Variants in ARB2A observed in about 807,000 individuals in gnomAD.
ARB2A encodes the protein ARB2 cotranscriptional regulator A, also known as cotranscriptional regulator ARB2A.
the ARB2A span, among the ~76,000 whole-genome samples, chr5:93,766,127 G>T: frequency 1.3e-5 from 2 of 152,058 alleles, no homozygotes; most frequent in Non-Finnish European, 2.9e-5. Context: ...CATAGGCATG[G>T]GCAAGGACTT....
the ARB2A span, among the ~76,000 whole-genome samples, chr5:93,743,895 T>C: frequency 6.6e-6 from 1 of 152,086 alleles, no homozygotes; most frequent in East Asian, 1.9e-4. Context: ...CTCGATCTCC[T>C]GACCTTGTGA....
chr5:93,818,181 GAC>G, the ARB2A span, among the ~76,000 whole-genome samples: 1 of 151,500 alleles, frequency 6.6e-6, no homozygotes. Flanking sequence ...TATAAAAAAA[GAC>G]AGATAATAAT....
the ARB2A span, among the ~76,000 whole-genome samples, chr5:93,903,187 G>A: frequency 6.6e-6 from 1 of 152,142 alleles, no homozygotes; most frequent in East Asian, 1.9e-4. Context: ...GGACATTTGA[G>A]TAATTTCCTA....
chr5:93,835,194 T>C, the ARB2A span, among the ~76,000 whole-genome samples: 2 of 152,184 alleles, frequency 1.3e-5, no homozygotes, highest in East Asian at 1.9e-4. Flanking sequence ...CAAAGCCTTA[T>C]CAACTATGCC....
At chr5:93,963,696 C>G in the ARB2A span, among the ~76,000 whole-genome samples, 1 of 151,962 alleles carries the variant, frequency 6.6e-6, no homozygotes, top group Non-Finnish European at 1.5e-5. Context: ...AAATGAACTA[C>G]TTTCATTAAG....
chr5:94,099,837 T>C, the ARB2A span, among the ~76,000 whole-genome samples: 10 of 151,864 alleles, frequency 6.6e-5, no homozygotes, highest in African/African-American at 2.2e-4. Flanking sequence ...CAACATTACA[T>C]GGAATGGGCA....
the ARB2A span, among the ~76,000 whole-genome samples, chr5:93,923,019 T>G: frequency 6.6e-6 from 1 of 152,242 alleles, no homozygotes; most frequent in Admixed American, 6.5e-5. Flanking sequence ...TCTGGCTTCC[T>G]TTCTATCTCC....
At chr5:93,846,668 T>C in the ARB2A span, among the ~76,000 whole-genome samples, 2 of 152,246 alleles carry the variant, frequency 1.3e-5, no homozygotes, top group African/African-American at 4.8e-5. Context: ...TAAAAACATC[T>C]TGAAAATATA....
the ARB2A span, among the ~76,000 whole-genome samples, chr5:94,077,921 T>A: frequency 6.6e-6 from 1 of 152,236 alleles, no homozygotes; most frequent in Non-Finnish European, 1.5e-5. Context: ...TTCCTTTCTA[T>A]GATTCCAACA....
chr5:93,907,585 A>C, the ARB2A span, among the ~76,000 whole-genome samples: 1 of 151,618 alleles, frequency 6.6e-6, no homozygotes, highest in African/African-American at 2.4e-5. Flanking sequence ...AAATCATAAA[A>C]ATGAATCATT....
At chr5:93,668,701 TCTTCA>T in the ARB2A span, among the ~76,000 whole-genome samples, 5 of 152,236 alleles carry the variant, frequency 3.3e-5, no homozygotes, top group African/African-American at 9.6e-5. Context: ...AGAATATTCC[TCTTCA>T]CTTCACTATG....
chr5:94,012,577 C>T, the ARB2A span, among the ~76,000 whole-genome samples: 2 of 152,150 alleles, frequency 1.3e-5, no homozygotes, highest in South Asian at 4.1e-4. Flanking sequence ...ACTGTGCTGA[C>T]CAAAGCCATG....
At chr5:93,808,018 T>C in the ARB2A span, among the ~76,000 whole-genome samples, 1 of 151,916 alleles carries the variant, frequency 6.6e-6, no homozygotes, top group Non-Finnish European at 1.5e-5. Context: ...GGCCAATCAA[T>C]GCAAGAAAAA....
At chr5:93,840,106 G>A in the ARB2A span, among the ~76,000 whole-genome samples, 1 of 152,028 alleles carries the variant, frequency 6.6e-6, no homozygotes. Flanking sequence ...AGGTTAATTT[G>A]ATATCTTTTT....
At chr5:94,088,320 T>C in the ARB2A span, among the ~76,000 whole-genome samples, 2 of 152,154 alleles carry the variant, frequency 1.3e-5, no homozygotes, top group Admixed American at 1.3e-4. Flanking sequence ...AGACAAACTA[T>C]AAATATTGTT....
the ARB2A span, chr5:93,881,362 T>G: frequency 1.2e-6 from 1 of 827,740 alleles, no homozygotes; most frequent in Non-Finnish European, 1.8e-6. Flanking sequence ...AAATAAATGA[T>G]GACAAATAAA....
At chr5:93,634,167 C>G in the ARB2A span, among the ~76,000 whole-genome samples, 2 of 152,016 alleles carry the variant, frequency 1.3e-5, no homozygotes, top group Non-Finnish European at 2.9e-5. Flanking sequence ...CTTTGGGAAG[C>G]TGAGGCGGGC....
chr5:93,867,637 C>T, the ARB2A span, among the ~76,000 whole-genome samples: 5 of 151,860 alleles, frequency 3.3e-5, no homozygotes, highest in South Asian at 2.1e-4. Context: ...AGGATGGACT[C>T]GATCTCTTGA....
chr5:93,682,864 A>T, the ARB2A span: 6 of 1,422,056 alleles, frequency 4.2e-6, no homozygotes, highest in Non-Finnish European at 5.9e-6. Context: ...ACTGCCAGAG[A>T]TCTTGAATAG....
Sources: allele counts gnomAD v4.1 joint callset (sites outside exome capture counted in the v4.1 genomes callset), GRCh38; gene constraint gnomAD v4.1.1; transcripts MANE v1.5; gene names NCBI Gene and HGNC (gene_info 2026-07-23, HGNC 2026-07-21).